CDH23: variants seen among roughly 807,000 people sequenced by gnomAD.
The protein encoded by CDH23 is cadherin-23.
In CDH23, 189 loss-of-function variants were observed where a neutral mutation model predicts 317.1. The ratio of observed to expected loss-of-function variants is 0.60; its 90% CI spans 0.53 to 0.67. CDH23 has a LOEUF of 0.67. CDH23 is among the 30% of genes least tolerant of loss of function. CDH23 has a pLI of 0.00. For synonymous variants in CDH23, 1,839 were observed against 1,876.8 expected (o/e 0.98, Z 0.52); for missense variants, 4,401 against 4,592.4 (o/e 0.96, Z 1.20).
At chr10:71,572,074 G>A (rs111972802) in intron 8 of CDH23, among the ~76,000 whole-genome samples, 12 of 152,230 alleles carry the variant, frequency 7.9e-5, no homozygotes, top group Admixed American at 6.5e-5. Flanking sequence ...TGTGGAGGGA[G>A]GCTCTAAGAA....
At chr10:71,730,338 G>A in intron 30 of CDH23, 131 bp from the exon 31 acceptor site, 1 of 1,159,838 alleles carries the variant, frequency 8.6e-7, no homozygotes, top group Non-Finnish European at 1.2e-6. Context: ...AGACAGGCCT[G>A]GGGTCCTAGA....
At chr10:71,784,866 C>T (rs2132939003) in intron 42 of CDH23, 25 bp from the exon 43 acceptor site, 1 of 1,599,410 alleles carries the variant, frequency 6.3e-7, no homozygotes, top group Non-Finnish European at 8.6e-7. Flanking sequence ...TCCTCCCCTC[C>T]CTCCTCCTTC....
chr10:71,422,219 A>G (rs1230328779), intron 1 of CDH23, among the ~76,000 whole-genome samples: 3 of 151,916 alleles, frequency 2.0e-5, no homozygotes, highest in African/African-American at 7.2e-5. Context: ...GTGTCAAGGA[A>G]CCATCATCTT....
chr10:71,427,592 A>G lies in CDH23; in HGVS notation c.-5-12235A>G, dbSNP rs1012062892. On this transcript the variant is annotated intron_variant, in intron 1 of 69. Coordinates refer to ENST00000224721, the MANE Select transcript of CDH23 (RefSeq NM_022124.6). Reference sequence around the variant, plus strand: ...TTTGGTTTGTTTTCATGTTTTGGCTATTATGAATAATGATGCCATAAACAT... The same window carrying G: ...TTTGGTTTGTTTTCATGTTTTGGCTGTTATGAATAATGATGCCATAAACAT... 7.2e-5 allele frequency among the ~76,000 whole-genome samples: 11 copies of G among 152,238 alleles called. No homozygotes were observed. The South Asian group carries it at 2.1e-3, about 29-fold the overall frequency.
At chr10:71,690,227 C>A (rs1865134261) in intron 19 of CDH23, among the ~76,000 whole-genome samples, 1 of 152,114 alleles carries the variant, frequency 6.6e-6, no homozygotes, top group Non-Finnish European at 1.5e-5. Context: ...CATCCCTAAG[C>A]CTCTCATGAG....
At chr10:71,428,429 C>T (rs1464342814) in intron 1 of CDH23, among the ~76,000 whole-genome samples, 5 of 145,514 alleles carry the variant, frequency 3.4e-5, no homozygotes, top group Non-Finnish European at 6.0e-5. Context: ...CGAGCCACCA[C>T]GCCTGGCCTC....
chr10:71,609,776 A>G (rs932791029), intron 9 of CDH23, among the ~76,000 whole-genome samples: 33 of 152,310 alleles, frequency 2.2e-4, no homozygotes, highest in African/African-American at 7.7e-4. Context: ...GAACGTCACC[A>G]GCCCCATTGT....
At chr10:71,506,681 C>T (rs575968767) in intron 3 of CDH23, among the ~76,000 whole-genome samples, 1 of 152,196 alleles carries the variant, frequency 6.6e-6, no homozygotes, top group South Asian at 2.1e-4. Context: ...CTGGGCCCAG[C>T]TTCTGTAGAG....
chr10:71,683,924 T>C (rs551171229), intron 18 of CDH23, among the ~76,000 whole-genome samples: 26 of 151,888 alleles, frequency 1.7e-4, no homozygotes, highest in African/African-American at 6.0e-4. Flanking sequence ...CTACTAAAAA[T>C]ACAAAAATTA....
intron 3 of CDH23, among the ~76,000 whole-genome samples, chr10:71,471,724 C>T (rs12357498): frequency 0.16 from 23,903 of 152,118 alleles, 2,112 homozygotes; most frequent in South Asian, 0.22. Flanking sequence ...GGGCCTTGTT[C>T]CTGCCATTCC....
Position 71,814,983 on chromosome 10 carries a change from G to A in CDH23, c.9770G>A (p.Gly3257Glu). 1 of 1,612,490 alleles carries A rather than the reference G, an allele frequency of 6.2e-7. No homozygotes were observed. Among genetic ancestry groups the A allele is most frequent in the Non-Finnish European group, 8.5e-7 (1 of 1,179,614 alleles). Residue 3257 changes from glycine to glutamate, a missense_variant, in exon 70 of 70, where the codon GGA becomes GAA. Physicochemically the swap from Gly to Glu is moderately conservative, Grantham distance 98. Around this residue, in one of 3 missense-constraint regions of CDH23, gnomAD observed 1,144 missense variants for 1,138.2 expected, o/e 1.01. Coordinates refer to ENST00000224721, the MANE Select transcript of CDH23 (RefSeq NM_022124.6). ...CAGACTGAGCTGGACGAGGAGCCAG[G>A]AGACCACAGCCCAGGGCAGGGTAGC... ...LIQTELDEEP[G>E]DHSPGQGSLR...
intron 31 of CDH23, among the ~76,000 whole-genome samples, 151 bp downstream of exon 31, chr10:71,730,755 G>A (rs1409302721): frequency 6.6e-6 from 1 of 152,210 alleles, no homozygotes; most frequent in African/African-American, 2.4e-5. Flanking sequence ...GGATGGTCTT[G>A]ATCACTTCCC....
At position 71,793,570 on chromosome 10, in the gene CDH23, T is replaced by G; in HGVS notation, c.6642T>G (p.Ile2214Met). The G allele has an allele frequency of 6.2e-7, 1 of 1,612,958 alleles. No homozygotes were observed. The highest frequency in any genetic ancestry group is 8.5e-7 in the Non-Finnish European group (1 of 1,179,276). Residue 2214 changes from isoleucine (I) to methionine (M), a missense_variant, in exon 48 of 70, where the codon ATT (isoleucine) becomes ATG (methionine). By Grantham distance (10) the Ile-to-Met change is conservative (BLOSUM62 1). Coordinates refer to ENST00000224721, the MANE Select transcript of CDH23 (RefSeq NM_022124.6). The part of the protein sequence containing the change: ...NPKLEYHIVG[I>M]VAKDDTDRLV... ...AGCTAGAGTACCACATTGTCGGCAT[T>G]GTGGCCAAGGACGACACTGATCGCC...
chr10:71,531,652 G>C (rs1855380986), intron 6 of CDH23, among the ~76,000 whole-genome samples: 1 of 152,058 alleles, frequency 6.6e-6, no homozygotes. Context: ...AGGGGGAGCT[G>C]AGGTAGCGGC....
chr10:71,699,008 C>T (rs915903084), intron 22 of CDH23, among the ~76,000 whole-genome samples: 8 of 152,154 alleles, frequency 5.3e-5, no homozygotes, highest in Admixed American at 3.9e-4. Flanking sequence ...CTGTGATCAG[C>T]GCTTACTGAG....
At chr10:71,547,357 G>A (rs866784906) in intron 6 of CDH23, among the ~76,000 whole-genome samples, 22 of 152,314 alleles carry the variant, frequency 1.4e-4, no homozygotes, top group South Asian at 2.1e-4. Flanking sequence ...TGGAGGCAGC[G>A]CAACACCCAG....
intron 2 of CDH23, among the ~76,000 whole-genome samples, chr10:71,440,796 G>A (rs569360424): frequency 6.6e-6 from 1 of 152,302 alleles, no homozygotes; most frequent in South Asian, 2.1e-4. Context: ...ATCCCCCAGG[G>A]CCATAGCATC....
chr10:71,486,586 A>G (rs1381519801), intron 3 of CDH23, among the ~76,000 whole-genome samples: 1 of 152,194 alleles, frequency 6.6e-6, no homozygotes, highest in Non-Finnish European at 1.5e-5. Context: ...ATCTTACACC[A>G]GACCTCCAGC....
At chr10:71,532,488 C>T (rs1203889155) in intron 6 of CDH23, among the ~76,000 whole-genome samples, 1 of 152,082 alleles carries the variant, frequency 6.6e-6, no homozygotes, top group African/African-American at 2.4e-5. Flanking sequence ...TAACCCTTAG[C>T]CTTCCAGATC....
Sources: gnomAD v4.1 joint callset for allele counts (sites outside exome capture counted in the v4.1 genomes callset) on GRCh38, gnomAD v4.1.1 for gene constraint, gnomAD v4.1.1 regional missense constraint, MANE v1.5 for transcripts, NCBI Gene and HGNC (gene_info 2026-07-23, HGNC 2026-07-21) for gene names.